RALA: variants seen among roughly 807,000 people sequenced by gnomAD.
RALA encodes ras-related protein Ral-A.
Under a neutral mutation model 24.0 loss-of-function variants are expected in RALA, and 5 were observed. The ratio of observed to expected loss-of-function variants is 0.21; its 90% CI spans 0.11 to 0.44. The LOEUF (loss-of-function observed/expected upper bound fraction) is 0.44, where lower values mean the gene tolerates loss of function less well. RALA is among the 20% of genes least tolerant of loss of function. The pLI is 0.99. For synonymous variants in RALA, 77 were observed against 83.8 expected, an observed-to-expected ratio of 0.92 and a Z score of 0.44; for missense variants, 95 against 241.2, an observed-to-expected ratio of 0.39 and a Z score of 4.01.
Position 39,707,153 on chromosome 7 carries a change from TA to T in RALA, c.*909del, listed in dbSNP as rs1381462869. 6.6e-6 allele frequency: 1 copy of T among 152,560 alleles called. No homozygotes were observed. The highest frequency in any genetic ancestry group is 1.5e-5 in the Non-Finnish European group (1 of 68,044). The allele number at this position is 152,560 out of a possible 1,614,324, so 9.5% of individuals were successfully genotyped here. A position where few individuals can be genotyped will look rare whatever the true frequency, so the allele number is the denominator to read the frequency against. On this transcript the variant is annotated 3_prime_UTR_variant, in exon 5 of 5. Transcript: ENST00000005257. ...TCAGCTGCAAGGATTCAGCACCAGT[TA>T]TGTTTGAATGAACCCTCCTTTTCTC...
At chr7:39,665,422 C>CA (rs1204312097) in intron 1 of RALA, among the ~76,000 whole-genome samples, 4 of 152,072 alleles carry the variant, frequency 2.6e-5, no homozygotes, top group Non-Finnish European at 5.9e-5. Flanking sequence ...GTAAGGCTTC[C>CA]AGTCAAATAA....
intron 4 of RALA, 86 bp downstream of exon 4, chr7:39,696,945 A>C (rs1562625856): frequency 1.5e-5 from 19 of 1,269,498 alleles, no homozygotes; most frequent in Admixed American, 1.2e-4. Context: ...AGAGTCTATG[A>C]AACTTTCAAA....
chr7:39,626,237 T>C (rs781782133), intron 1 of RALA, among the ~76,000 whole-genome samples: 12 of 152,228 alleles, frequency 7.9e-5, no homozygotes, highest in Non-Finnish European at 1.6e-4. Flanking sequence ...TGCCGAGCAC[T>C]GTGATAAGAG....
chr7:39,667,520 G>A (rs190749700), intron 1 of RALA, among the ~76,000 whole-genome samples: 6 of 152,344 alleles, frequency 3.9e-5, no homozygotes, highest in East Asian at 1.9e-4. Flanking sequence ...CAGCATTCCC[G>A]TGAGGGAGGC....
At chr7:39,696,063 T>G (rs1280997248) in intron 3 of RALA, among the ~76,000 whole-genome samples, 3 of 152,202 alleles carry the variant, frequency 2.0e-5, no homozygotes, top group Non-Finnish European at 4.4e-5. Flanking sequence ...CTTTGCACTT[T>G]GCTCAGACTT....
At chr7:39,653,692 T>A (rs1413750102) in intron 1 of RALA, among the ~76,000 whole-genome samples, 3 of 152,222 alleles carry the variant, frequency 2.0e-5, no homozygotes, top group Non-Finnish European at 4.4e-5. Flanking sequence ...TTTTATTTTT[T>A]AGGACCTTTT....
chr7:39,637,429 G>T (rs1162207715), intron 1 of RALA, among the ~76,000 whole-genome samples: 1 of 152,160 alleles, frequency 6.6e-6, no homozygotes, highest in Non-Finnish European at 1.5e-5. Flanking sequence ...GTAACTTAAA[G>T]ATTTTAGCAC....
chr7:39,662,811 G>A (rs1356091629), intron 1 of RALA, among the ~76,000 whole-genome samples: 1 of 151,922 alleles, frequency 6.6e-6, no homozygotes, highest in African/African-American at 2.4e-5. Flanking sequence ...CCACATTTTT[G>A]GGTATCTTTA....
At chr7:39,700,838 G>A (rs1037597658) in intron 4 of RALA, 2 of 152,218 alleles carry the variant, frequency 1.3e-5, no homozygotes, top group African/African-American at 4.8e-5. Flanking sequence ...TTCATGTACT[G>A]CTACATCCTG....
intron 2 of RALA, among the ~76,000 whole-genome samples, chr7:39,688,586 T>A (rs1318073975): frequency 6.6e-6 from 1 of 151,170 alleles, no homozygotes; most frequent in Non-Finnish European, 1.5e-5. Flanking sequence ...CTAATTTTTT[T>A]TTTTTTTTTT....
intron 1 of RALA, among the ~76,000 whole-genome samples, chr7:39,662,145 C>G (rs1370140358): frequency 2.0e-5 from 3 of 152,178 alleles, no homozygotes; most frequent in African/African-American, 7.2e-5. Context: ...TTGGGGGGCC[C>G]TTAGCCCAGC....
chr7:39,674,041 G>GTAAATAAATAAATAAA (rs72097023), intron 1 of RALA, among the ~76,000 whole-genome samples: 2 of 48,896 alleles, frequency 4.1e-5, no homozygotes, highest in Admixed American at 2.3e-4. Flanking sequence ...GGCATGCACT[G>GTAAATAAATAAATAAA]TAAATAAATA....
intron 2 of RALA, among the ~76,000 whole-genome samples, chr7:39,688,088 T>G (rs1792740550): frequency 6.6e-6 from 1 of 152,162 alleles, no homozygotes; most frequent in African/African-American, 2.4e-5. Context: ...CTCACCATTC[T>G]TTTTACACAC....
At chr7:39,661,710 G>A (rs1012490414) in intron 1 of RALA, among the ~76,000 whole-genome samples, 1 of 152,212 alleles carries the variant, frequency 6.6e-6, no homozygotes, top group African/African-American at 2.4e-5. Context: ...CTGATGTTGA[G>A]TGTCTGTGGC....
At chr7:39,644,820 T>C (rs1454056176) in intron 1 of RALA, among the ~76,000 whole-genome samples, 1 of 152,248 alleles carries the variant, frequency 6.6e-6, no homozygotes, top group African/African-American at 2.4e-5. Flanking sequence ...CTTGATTGTT[T>C]AAAACCCAGA....
intron 1 of RALA, among the ~76,000 whole-genome samples, chr7:39,671,845 CA>C (rs1792395057): frequency 6.6e-6 from 1 of 152,086 alleles, no homozygotes; most frequent in Admixed American, 6.5e-5. Flanking sequence ...TGTTATGTTT[CA>C]AAAGTAGAAA....
At chr7:39,632,143 C>T (rs747035002) in intron 1 of RALA, among the ~76,000 whole-genome samples, 2 of 152,224 alleles carry the variant, frequency 1.3e-5, no homozygotes, top group African/African-American at 2.4e-5. Context: ...AAACATCCCC[C>T]GACTAGGCCC....
chr7:39,679,909 C>G (rs1792558179), intron 1 of RALA, among the ~76,000 whole-genome samples: 2 of 152,064 alleles, frequency 1.3e-5, no homozygotes, highest in South Asian at 4.1e-4. Context: ...TGTGGCTTCA[C>G]TATGTTGGCC....
At chr7:39,624,114 C>T (rs944717021) in intron 1 of RALA, 3 of 152,196 alleles carry the variant, frequency 2.0e-5, no homozygotes, top group Admixed American at 6.5e-5. Context: ...TCACCCCGCA[C>T]CTTTCGTCCA....
Sources: allele counts gnomAD v4.1 joint callset (sites outside exome capture counted in the v4.1 genomes callset), GRCh38; gene constraint gnomAD v4.1.1; transcripts MANE v1.5; gene names NCBI Gene and HGNC (gene_info 2026-07-23, HGNC 2026-07-21).